The following FRY variants were observed in gnomAD, a reference collection of about 807,000 sequenced individuals.
The protein encoded by FRY is FRY microtubule binding protein.
A neutral mutation model predicts 348.4 loss-of-function variants in FRY; 128 were observed. That is an observed-to-expected ratio of 0.37 (90% CI 0.32 to 0.43). FRY has a LOEUF of 0.43. FRY is among the 20% of genes least tolerant of loss of function. The probability of loss-of-function intolerance (pLI) is 1.00; values close to 1 mark genes in which losing one functional copy is unlikely to be tolerated. For synonymous variants in FRY, 1,370 were observed against 1,374.7 expected, an observed-to-expected ratio of 1.00 and a Z score of 0.08; for missense variants, 2,736 against 3,695.2, an observed-to-expected ratio of 0.74 and a Z score of 6.73.
At chr13:32,133,416 T>A (rs535046207) in intron 8 of FRY, among the ~76,000 whole-genome samples, 80 of 152,300 alleles carry the variant, frequency 5.3e-4, no homozygotes, top group Non-Finnish European at 1.0e-3. Context: ...CAGTAACTGT[T>A]AAATATTTTA....
chr13:32,213,223 T>G (rs1006503905), intron 35 of FRY, among the ~76,000 whole-genome samples: 4 of 152,200 alleles, frequency 2.6e-5, no homozygotes, highest in Non-Finnish European at 5.9e-5. Flanking sequence ...CCCACAGTGC[T>G]TCCTGAGCAT....
chr13:32,204,141 A>G (rs779528520), intron 31 of FRY, among the ~76,000 whole-genome samples: 1 of 152,134 alleles, frequency 6.6e-6, no homozygotes, highest in Non-Finnish European at 1.5e-5. Flanking sequence ...GCAACCTTTC[A>G]CTAGTTGTTT....
chr13:32,269,429 A>G (rs189980), intron 55 of FRY, among the ~76,000 whole-genome samples: 150,138 of 152,316 alleles, frequency 0.99, 74,032 homozygotes, highest in South Asian at 1. Flanking sequence ...AGTGGCTCAC[A>G]CCTGTAATCC....
At chr13:32,265,910 A>G (rs1308642373) in intron 54 of FRY, among the ~76,000 whole-genome samples, 3 of 152,228 alleles carry the variant, frequency 2.0e-5, no homozygotes, top group African/African-American at 7.2e-5. Context: ...CTTTGAAGAT[A>G]AGCAACACTT....
chr13:32,098,127 A>G (rs1456025385), intron 2 of FRY, among the ~76,000 whole-genome samples: 1 of 152,070 alleles, frequency 6.6e-6, no homozygotes, highest in African/African-American at 2.4e-5. Context: ...AGAGCCTTAC[A>G]AATTCCAACT....
rs537603607 is a variant in FRY, at chr13:32,262,207, T to C, written c.7618-107T>C. On this transcript the variant is annotated intron_variant, in intron 52 of 60. Transcript: ENST00000542859. ...TTTAAGGCCCAATAATGGTGAAATG[T>C]GGAAGTTAAAAAATTAAGACGTATT... is the stretch of plus-strand genomic sequence containing the variant. 118 of 852,718 alleles carry C rather than the reference T, an allele frequency of 1.4e-4. 1 individual carries two copies. In the African/African-American group the frequency reaches 1.9e-3, roughly 14 times the overall value. 52.8% of individuals were successfully genotyped at this position (852,718 alleles called of 1,614,324 possible). A position where few individuals can be genotyped will look rare whatever the true frequency, so the allele number is the denominator to read the frequency against.
At chr13:32,194,117 A>G (rs2138296637) in intron 28 of FRY, 26 bp from the exon 29 acceptor site, 2 of 1,601,486 alleles carry the variant, frequency 1.2e-6, no homozygotes, top group Middle Eastern at 3.3e-4. Flanking sequence ...AAATGGGAAT[A>G]ATATTGATTT....
intron 11 of FRY, among the ~76,000 whole-genome samples, chr13:32,146,003 A>T (rs1389323454): frequency 6.6e-6 from 1 of 152,036 alleles, no homozygotes; most frequent in Non-Finnish European, 1.5e-5. Context: ...AAGGTGCCTC[A>T]TGTAGCCCCT....
intron 2 of FRY, among the ~76,000 whole-genome samples, chr13:32,090,765 A>C (rs1190865268): frequency 6.6e-6 from 1 of 151,994 alleles, no homozygotes; most frequent in East Asian, 1.9e-4. Flanking sequence ...TTGTTCAATT[A>C]AAATGAAGAT....
intron 17 of FRY, among the ~76,000 whole-genome samples, chr13:32,170,300 G>A (rs1881981840): frequency 6.6e-6 from 1 of 152,200 alleles, no homozygotes; most frequent in South Asian, 2.1e-4. Flanking sequence ...GCTAAATGCA[G>A]TGTGGTATCT....
Position 32,149,841 on chromosome 13 carries a change from A to G in FRY, c.1479+7A>G, listed in dbSNP as rs768723993. 5.1e-6 allele frequency: 8 copies of G among 1,559,240 alleles called. No individual in the cohort carries two copies. Among genetic ancestry groups the G allele is most frequent in the South Asian group, 2.2e-5 (2 of 89,948 alleles). On this transcript the variant is annotated splice_region_variant and intron_variant, in intron 14 of 60. Transcript: ENST00000542859. ...ATTCAGTCTCAACCCAGAGGTATGA[A>G]TGATCCTTTTATGTACTTCTAACAG...
In FRY at chr13:32,254,204, A is replaced by G. The variant is rs1178114329; in HGVS notation, c.7246-20A>G. ...ACCAAAGGGAGAACGGTTTCTCAGG[A>G]GAGGACTCTTGATTCGCAGGTGATT... On this transcript the variant is annotated intron_variant, in intron 50 of 60. Coordinates refer to ENST00000542859, the MANE Select transcript of FRY (RefSeq NM_023037.3). 1.9e-6 allele frequency: 3 copies of G among 1,613,298 alleles called. No homozygotes were observed. Among genetic ancestry groups the G allele is most frequent in the Admixed American group, 1.7e-5 (1 of 60,024 alleles).
chr13:32,054,732 G>A lies in FRY; in HGVS notation c.70+22867G>A, dbSNP rs559953631. ...ACTAAAAATACAAAAGAAATTAGCCGGGCATGGTGGTGGACACCTGTAATC... is the reference window on the plus strand; with the variant it reads ...ACTAAAAATACAAAAGAAATTAGCCAGGCATGGTGGTGGACACCTGTAATC... On this transcript the variant is annotated intron_variant, in intron 1 of 60. Transcript: ENST00000542859. 1.3e-4 allele frequency among the ~76,000 whole-genome samples: 20 copies of A among 152,152 alleles called. 1 individual carries two copies. In the South Asian group the frequency reaches 3.5e-3, roughly 27 times the overall value.
chr13:32,120,981 C>A (rs1878614866), intron 4 of FRY, among the ~76,000 whole-genome samples: 1 of 152,180 alleles, frequency 6.6e-6, no homozygotes, highest in Non-Finnish European at 1.5e-5. Flanking sequence ...ATTCTGATGC[C>A]TTTGCATACT....
At chr13:32,119,597 C>T (rs78377301) in intron 4 of FRY, among the ~76,000 whole-genome samples, 5,254 of 152,274 alleles carry the variant, frequency 0.035, 93 homozygotes, top group African/African-American at 0.049. Context: ...AATACTCTCT[C>T]TACTGCTGCT....
intron 11 of FRY, among the ~76,000 whole-genome samples, chr13:32,142,010 G>C (rs186029046): frequency 8.1e-4 from 123 of 151,956 alleles, no homozygotes; most frequent in Admixed American, 1.7e-3. Context: ...CAGAAGAATG[G>C]TTTTTTTTGA....
At chr13:32,268,505 A>AAAAAAAAAAATATATATATATATAT (rs1555273232) in intron 55 of FRY, among the ~76,000 whole-genome samples, 1 of 28,304 alleles carries the variant, frequency 3.5e-5, no homozygotes, top group African/African-American at 9.3e-5. Flanking sequence ...AAAAAAAAAA[A>AAAAAAAAAAATATATATATATATAT]ATATATATAT....
Position 32,186,414 on chromosome 13 carries a change from A to G in FRY, c.3474A>G (p.Ala1158=), listed in dbSNP as rs1279038178. The G allele has an allele frequency of 5.6e-6, 9 of 1,598,398 alleles. No homozygotes were observed. The highest frequency in any genetic ancestry group is 1.3e-5 in the African/African-American group (1 of 74,662). Residue 1158 remains alanine (A), a synonymous_variant, in exon 27 of 61, where the codon GCA becomes GCG. Coordinates refer to ENST00000542859, the MANE Select transcript of FRY (RefSeq NM_023037.3). The stretch of plus-strand genomic sequence containing the variant: ...AGATTACAAGATATCAGTATTGTGC[A>G]TTAAAAGTAGGTGATATTGTACTCA... The part of the protein sequence containing the change: ...NHQITRYQYC[A]LKAMSAVLCC...
chr13:32,091,694 G>C (rs1323655539), intron 2 of FRY, among the ~76,000 whole-genome samples: 4 of 152,196 alleles, frequency 2.6e-5, no homozygotes, highest in Non-Finnish European at 4.4e-5. Flanking sequence ...GTGAAGAAGA[G>C]AGATCCTAAT....
Sources: gnomAD v4.1 joint callset for allele counts (sites outside exome capture counted in the v4.1 genomes callset) on GRCh38, gnomAD v4.1.1 for gene constraint, MANE v1.5 for transcripts, NCBI Gene and HGNC (gene_info 2026-07-23, HGNC 2026-07-21) for gene names.